RANBP2: variants seen among roughly 807,000 people sequenced by gnomAD.
RANBP2 encodes the protein E3 SUMO-protein ligase RanBP2.
In RANBP2, 57 loss-of-function variants were observed where a neutral mutation model predicts 303.6. The observed-to-expected ratio is 0.19, with a 90% CI of 0.15 to 0.23. RANBP2 has a LOEUF of 0.23. Among genes scored for constraint, RANBP2 ranks in the 10% least tolerant of loss-of-function variants. The pLI is 1.00. For synonymous variants in RANBP2, 1,167 were observed against 1,301.5 expected (o/e 0.90, Z 2.23); for missense variants, 3,138 against 3,780.8 (o/e 0.83, Z 4.46).
Position 108,767,246 on chromosome 2 carries a change from A to C in RANBP2, c.6707A>C (p.Asp2236Ala), listed in dbSNP as rs1173826318. ...GATTTAAGGGAAGATGCTTTGGATG[A>C]TAGTGTCAGTAGTAGCTCAGTACAT... ...NYDLREDALD[D>A]SVSSSSVHAS... is the part of the protein sequence containing the mutation. The change falls in exon 20 of 29, where the codon GAT (aspartate) becomes GCT (alanine). Residue 2236 changes from aspartate (D) to alanine (A), a missense_variant. Physicochemically the swap from Asp to Ala is moderately radical, Grantham distance 126. Coordinates refer to ENST00000283195, the MANE Select transcript of RANBP2 (RefSeq NM_006267.5). The C allele has an allele frequency of 4.4e-5, 71 of 1,611,944 alleles. No homozygotes were observed. The highest frequency in any genetic ancestry group is 5.5e-5 in the Non-Finnish European group (65 of 1,179,872).
At chr2:109,557,550 A>G in the RANBP2 span, among the ~76,000 whole-genome samples, 2 of 152,204 alleles carry the variant, frequency 1.3e-5, no homozygotes, top group Non-Finnish European at 2.9e-5. Context: ...GATTGCCCCA[A>G]TGTGGTGTCT....
chr2:109,449,540 G>GC, the RANBP2 span: 3 of 1,578,588 alleles, frequency 1.9e-6, no homozygotes, highest in Non-Finnish European at 2.6e-6. Context: ...GCTGCTTACT[G>GC]TAACTTTTTG....
chr2:109,272,804 C>T, the RANBP2 span, among the ~76,000 whole-genome samples: 3 of 152,174 alleles, frequency 2.0e-5, no homozygotes, highest in Non-Finnish European at 4.4e-5. Context: ...CCGGTACTGC[C>T]GCACACGCAG....
the RANBP2 span, among the ~76,000 whole-genome samples, chr2:109,329,849 A>T: frequency 6.6e-6 from 1 of 152,216 alleles, no homozygotes; most frequent in Non-Finnish European, 1.5e-5. Context: ...GGAACTGCAC[A>T]AGAGAGAAAT....
chr2:109,036,294 T>C, the RANBP2 span, among the ~76,000 whole-genome samples: 1 of 152,154 alleles, frequency 6.6e-6, no homozygotes, highest in Non-Finnish European at 1.5e-5. Context: ...TTTTACACAC[T>C]CTATCTCAGA....
chr2:109,416,465 A>G, the RANBP2 span, among the ~76,000 whole-genome samples: 1 of 152,124 alleles, frequency 6.6e-6, no homozygotes, highest in Non-Finnish European at 1.5e-5. Flanking sequence ...GCTCACTGCA[A>G]CTTCCGCCTC....
the RANBP2 span, among the ~76,000 whole-genome samples, chr2:109,647,658 T>TG: frequency 1.3e-5 from 2 of 151,090 alleles, no homozygotes; most frequent in African/African-American, 4.9e-5. Context: ...TTGGTAGAGA[T>TG]GGGGTTTCAC....
At chr2:109,088,466 C>T in the RANBP2 span, among the ~76,000 whole-genome samples, 1 of 150,756 alleles carries the variant, frequency 6.6e-6, no homozygotes, top group Non-Finnish European at 1.5e-5. Context: ...AAATTAATCA[C>T]CTAGGATGTT....
chr2:109,249,588 C>CCTTCTTTTCTTTCTTTCTTTCTTTT, the RANBP2 span, among the ~76,000 whole-genome samples: 1 of 134,584 alleles, frequency 7.4e-6, no homozygotes, highest in African/African-American at 3.0e-5. Flanking sequence ...TCCTTCCTTT[C>CCTTCTTTTCTTTCTTTCTTTCTTTT]CTTTCTTTCT....
chr2:109,693,455 G>A, the RANBP2 span, among the ~76,000 whole-genome samples: 9 of 152,072 alleles, frequency 5.9e-5, no homozygotes, highest in East Asian at 3.9e-4. Flanking sequence ...CACCACACCC[G>A]GCCCACAACT....
the RANBP2 span, among the ~76,000 whole-genome samples, chr2:109,727,952 C>T: frequency 2.0e-5 from 3 of 152,176 alleles, no homozygotes; most frequent in Admixed American, 2.0e-4. Context: ...GTCTATGCTC[C>T]TTCCCCTTGA....
the RANBP2 span, among the ~76,000 whole-genome samples, chr2:109,269,849 C>T: frequency 6.6e-6 from 1 of 152,196 alleles, no homozygotes; most frequent in Non-Finnish European, 1.5e-5. Context: ...CCAGAATGTT[C>T]GTGTGCTCAG....
chr2:109,140,660 C>T, the RANBP2 span, among the ~76,000 whole-genome samples: 75 of 152,288 alleles, frequency 4.9e-4, no homozygotes, highest in African/African-American at 1.6e-3. Flanking sequence ...GGATTACAGG[C>T]GTGAGCCACC....
chr2:109,591,314 A>C, the RANBP2 span, among the ~76,000 whole-genome samples: 3 of 152,208 alleles, frequency 2.0e-5, no homozygotes, highest in Non-Finnish European at 4.4e-5. Flanking sequence ...CTACAATGAC[A>C]GGATTTTAAT....
chr2:109,225,089 A>G, the RANBP2 span, among the ~76,000 whole-genome samples: 2 of 152,126 alleles, frequency 1.3e-5, no homozygotes, highest in African/African-American at 4.8e-5. Flanking sequence ...GTTTAGACCA[A>G]CCAACTAAGC....
chr2:108,731,543 A>G (rs1695170335), intron 4 of RANBP2, 69 bp downstream of exon 4: 1 of 1,607,502 alleles, frequency 6.2e-7, no homozygotes, highest in Non-Finnish European at 8.5e-7. Flanking sequence ...AATTTAAATT[A>G]CTTTTCAATA....
At chr2:108,944,861 C>T in the RANBP2 span, among the ~76,000 whole-genome samples, 13 of 152,158 alleles carry the variant, frequency 8.5e-5, no homozygotes, top group African/African-American at 1.2e-4. Flanking sequence ...GAGCTATGGT[C>T]GCCGCCACCT....
the RANBP2 span, among the ~76,000 whole-genome samples, chr2:108,978,180 G>A: frequency 6.6e-6 from 1 of 152,196 alleles, no homozygotes; most frequent in Non-Finnish European, 1.5e-5. Flanking sequence ...GCTGAGCTAC[G>A]GCCTTCACTG....
chr2:109,455,079 C>T, the RANBP2 span, among the ~76,000 whole-genome samples: 1 of 152,174 alleles, frequency 6.6e-6, no homozygotes, highest in African/African-American at 2.4e-5. Context: ...AGAGACTTGC[C>T]TGGGGCCACA....
Sources: gnomAD v4.1 joint callset for allele counts (sites outside exome capture counted in the v4.1 genomes callset) on GRCh38, gnomAD v4.1.1 for gene constraint, MANE v1.5 for transcripts, NCBI Gene and HGNC (gene_info 2026-07-23, HGNC 2026-07-21) for gene names.